The following MMP2 variants were observed in gnomAD, a reference collection of about 807,000 sequenced individuals.
The protein encoded by MMP2 is 72 kDa type IV collagenase.
MMP2 carries 39 observed loss-of-function variants against 74.8 expected under a neutral mutation model. The observed-to-expected ratio is 0.52, with a 90% CI of 0.40 to 0.68. The LOEUF is 0.68. Ranked by LOEUF, MMP2 falls within the 30% of genes least tolerant of loss-of-function variation. The pLI is 0.00. For synonymous variants in MMP2, 367 were observed against 339.8 expected (o/e 1.08, Z -0.88); for missense variants, 803 against 878.3 (o/e 0.91, Z 1.08).
At chr16:55,493,721 G>A (rs1000351109) in intron 9 of MMP2, among the ~76,000 whole-genome samples, 3 of 152,216 alleles carry the variant, frequency 2.0e-5, no homozygotes, top group Non-Finnish European at 2.9e-5. Context: ...CTAGAGGGTA[G>A]TACTGCAAAG....
chr16:55,493,026 C>A, intron 8 of MMP2, 132 bp from the exon 9 acceptor site: 1 of 1,066,414 alleles, frequency 9.4e-7, no homozygotes, highest in Non-Finnish European at 1.4e-6. Flanking sequence ...TGTTACCTTA[C>A]GGAGCTTACA....
At chr16:55,485,025 A>G (rs1208843137) in intron 3 of MMP2, among the ~76,000 whole-genome samples, 1 of 152,156 alleles carries the variant, frequency 6.6e-6, no homozygotes, top group Non-Finnish European at 1.5e-5. Flanking sequence ...TGTGGTACAT[A>G]TAGTGTCATG....
At chr16:55,505,193 A>C in intron 12 of MMP2, 146 bp from the exon 13 acceptor site, 1 of 776,710 alleles carries the variant, frequency 1.3e-6, no homozygotes, top group Non-Finnish European at 2.3e-6. Context: ...GGGCTCAAGC[A>C]ATCCTCCTGC....
chr16:55,485,612 G>A lies in MMP2; in HGVS notation c.667G>A (p.Val223Met). 2 of 1,614,154 alleles carry A rather than the reference G, an allele frequency of 1.2e-6. No individual in the cohort carries two copies. Among genetic ancestry groups the A allele is most frequent in the Non-Finnish European group, 1.7e-6 (2 of 1,180,032 alleles). The change falls in exon 5 of 13, where the codon GTG (valine) becomes ATG (methionine). Residue 223 changes from valine to methionine, a missense_variant. Physicochemically the swap from Val to Met is conservative, Grantham distance 21. Transcript: ENST00000219070. ...TCCATGTCACTCTTTAGTGGTCCGT[G>A]TGAAGTATGGGAACGCCGATGGGGA... is the stretch of plus-strand genomic sequence containing the variant. The part of the protein sequence containing the change: ...WTLGEGQVVR[V>M]KYGNADGEYC...
chr16:55,496,871 C>T (rs17859971), intron 9 of MMP2, 55 bp from the exon 10 acceptor site: 8 of 1,608,148 alleles, frequency 5.0e-6, no homozygotes, highest in South Asian at 2.2e-5. Context: ...GTGTGTGGTT[C>T]GAGCTGCAGG....
At chr16:55,500,725 G>A (rs1962649265) in intron 11 of MMP2, among the ~76,000 whole-genome samples, 1 of 152,238 alleles carries the variant, frequency 6.6e-6, no homozygotes, top group Admixed American at 6.5e-5. Flanking sequence ...CTCTGGGCTG[G>A]CTTCCAAAGG....
At chr16:55,492,270 G>A (rs1962428965) in intron 8 of MMP2, among the ~76,000 whole-genome samples, 1 of 152,140 alleles carries the variant, frequency 6.6e-6, no homozygotes, top group South Asian at 2.1e-4. Context: ...GAGCAACCCA[G>A]TGGAGTTTAG....
Position 55,483,359 on chromosome 16 carries a change from T to G in MMP2, c.380+224T>G, listed in dbSNP as rs534205696. Reference sequence around the variant, plus strand: ...GGGTTACTTTTCAGTGCTGTGAATGTTGGCTTTCCAATCTACAAAATGGGG... The same window carrying G: ...GGGTTACTTTTCAGTGCTGTGAATGGTGGCTTTCCAATCTACAAAATGGGG... On this transcript the variant is annotated intron_variant, in intron 2 of 12. Coordinates refer to ENST00000219070, the MANE Select transcript of MMP2 (RefSeq NM_004530.6). Among the ~76,000 whole-genome samples, 348 of 152,360 alleles carry G rather than the reference T, an allele frequency of 2.3e-3. 4 individuals are homozygous for G. The highest frequency in any genetic ancestry group is 2.6e-3 in the Non-Finnish European group (179 of 68,028).
rs1256424768 is a variant in MMP2 at position 55,485,411 on chromosome 16, C to G, written c.642C>G (p.Thr214=). 4 of 1,614,002 alleles carry G rather than the reference C, an allele frequency of 2.5e-6. No individual in the cohort carries two copies. The highest frequency in any genetic ancestry group is 3.3e-5 in the Admixed American group (2 of 60,008). ...ATTTTGATGACGATGAGCTATGGACCTTGGGAGAAGGCCAAGGTGAGAAAG... is the reference window on the plus strand; with the variant it reads ...ATTTTGATGACGATGAGCTATGGACGTTGGGAGAAGGCCAAGGTGAGAAAG... ...DSHFDDDELW[T]LGEGQVVRVK... The change falls in exon 4 of 13, where the codon ACC becomes ACG. Residue 214 remains threonine, a synonymous_variant. Transcript: ENST00000219070.
chr16:55,479,222 G>T lies in MMP2; in HGVS notation c.-258G>T. On this transcript the variant is annotated 5_prime_UTR_variant, in exon 1 of 13. Coordinates refer to ENST00000219070, the MANE Select transcript of MMP2 (RefSeq NM_004530.6). The stretch of plus-strand genomic sequence containing the variant: ...CGCTGCATCCAGACTTCCTCAGGCG[G>T]TGGCTGGAGGCTGCGCATCTGGGGC... 1 of 273,926 alleles carries T rather than the reference G, an allele frequency of 3.7e-6. No individual in the cohort carries two copies. The highest frequency in any genetic ancestry group is 6.7e-6 in the Non-Finnish European group (1 of 148,534). 17.0% of individuals were successfully genotyped at this position (273,926 alleles called of 1,614,324 possible).
intron 11 of MMP2, 95 bp downstream of exon 11, chr16:55,498,543 G>A: frequency 1.5e-5 from 24 of 1,564,936 alleles, no homozygotes; most frequent in Non-Finnish European, 2.1e-5. Flanking sequence ...TGAGTTCAGA[G>A]GTTGGTGGGC....
intron 9 of MMP2, 73 bp from the exon 10 acceptor site, chr16:55,496,853 T>G: frequency 2.5e-6 from 4 of 1,594,386 alleles, no homozygotes; most frequent in Non-Finnish European, 3.4e-6. Flanking sequence ...CTGGGTGGGT[T>G]TGGGGGTGTG....
chr16:55,488,456 T>A (rs1962311918), intron 5 of MMP2, 87 bp from the exon 6 acceptor site: 11 of 1,294,160 alleles, frequency 8.5e-6, no homozygotes, highest in Non-Finnish European at 1.2e-5. Context: ...ACTTCACTGG[T>A]GTGAACCGGC....
chr16:55,506,058 C>G lies in MMP2; in HGVS notation c.*616C>G, dbSNP rs1430516682. On this transcript the variant is annotated 3_prime_UTR_variant, in exon 13 of 13. Transcript: ENST00000219070. The stretch of plus-strand genomic sequence containing the variant: ...TGTCTGAAGTCACTGCACAGTGCAT[C>G]TCAGCCCACATAGTGATGGTTCCCC... 1.3e-5 allele frequency: 2 copies of G among 156,290 alleles called. No homozygotes were observed. The highest frequency in any genetic ancestry group is 2.8e-5 in the Non-Finnish European group (2 of 70,614). 9.7% of individuals were successfully genotyped at this position (156,290 alleles called of 1,614,324 possible).
intron 7 of MMP2, among the ~76,000 whole-genome samples, chr16:55,490,347 C>T (rs1962374830): frequency 6.6e-6 from 1 of 152,214 alleles, no homozygotes; most frequent in Admixed American, 6.5e-5. Flanking sequence ...CCAGAGCCCT[C>T]TCTCCCCCAT....
chr16:55,492,490 T>G (rs1438612655), intron 8 of MMP2, among the ~76,000 whole-genome samples: 1 of 151,718 alleles, frequency 6.6e-6, no homozygotes, highest in East Asian at 1.9e-4. Context: ...GTTCTTACAG[T>G]GAGGCTAGAG....
chr16:55,488,727 C>G lies in MMP2; in HGVS notation c.1006+11C>G, dbSNP rs369916261. 5 of 1,577,272 alleles carry G rather than the reference C, an allele frequency of 3.2e-6. No individual in the cohort carries two copies. The African/African-American group carries it at 6.8e-5, about 21-fold the overall frequency. ...TCTGCCCTGAGACCGGTGGGTGCCACTCCCTCTCCCTCCCTCAGGGCCCAG... is the reference window on the plus strand; with the variant it reads ...TCTGCCCTGAGACCGGTGGGTGCCAGTCCCTCTCCCTCCCTCAGGGCCCAG... On this transcript the variant is annotated intron_variant, in intron 6 of 12. Coordinates refer to ENST00000219070, the MANE Select transcript of MMP2 (RefSeq NM_004530.6).
chr16:55,499,491 G>T (rs1174924299), intron 11 of MMP2, among the ~76,000 whole-genome samples: 4 of 152,176 alleles, frequency 2.6e-5, no homozygotes, highest in African/African-American at 9.7e-5. Context: ...TGTGGGTGCA[G>T]GTTGGCAGGG....
chr16:55,504,000 T>A (rs1359148842), intron 12 of MMP2, among the ~76,000 whole-genome samples: 2 of 152,070 alleles, frequency 1.3e-5, no homozygotes, highest in East Asian at 1.9e-4. Flanking sequence ...AAAAAAATTT[T>A]AAAAAACATT....
Sources: gnomAD v4.1 joint callset for allele counts (sites outside exome capture counted in the v4.1 genomes callset) on GRCh38, gnomAD v4.1.1 for gene constraint, MANE v1.5 for transcripts, NCBI Gene and HGNC (gene_info 2026-07-23, HGNC 2026-07-21) for gene names.